The following SWAP70 variants were observed in gnomAD, a reference collection of about 807,000 sequenced individuals.
The protein encoded by SWAP70 is switch-associated protein 70.
A neutral mutation model predicts 80.2 loss-of-function variants in SWAP70; 34 were observed. That is an observed-to-expected ratio of 0.42 (90% CI 0.32 to 0.56). The LOEUF is 0.56. Ranked by LOEUF, SWAP70 falls within the 20% of genes least tolerant of loss-of-function variation. SWAP70 has a pLI of 0.09. For missense variants in SWAP70, 578 were observed against 690.7 expected, an observed-to-expected ratio of 0.84 and a Z score of 1.83; for synonymous variants, 239 against 238.5, an observed-to-expected ratio of 1.00 and a Z score of -0.02.
intron 1 of SWAP70, among the ~76,000 whole-genome samples, chr11:9,690,902 ATAAT>A (rs969072926): frequency 6.6e-5 from 10 of 151,878 alleles, no homozygotes; most frequent in African/African-American, 1.2e-4. Flanking sequence ...CATATATATT[ATAAT>A]TAATTAATTA....
chr11:9,709,423 C>T (rs1269290803), intron 2 of SWAP70, among the ~76,000 whole-genome samples: 1 of 152,210 alleles, frequency 6.6e-6, no homozygotes, highest in Non-Finnish European at 1.5e-5. Flanking sequence ...GCCACCACAC[C>T]TTGCTGAGCT....
chr11:9,688,740 A>AT (rs1363141695), intron 1 of SWAP70, among the ~76,000 whole-genome samples: 3 of 152,122 alleles, frequency 2.0e-5, no homozygotes, highest in Admixed American at 2.0e-4. Flanking sequence ...AATGTGAACA[A>AT]TGACTTTGAG....
At chr11:9,736,047 T>G (rs1288762075) in intron 7 of SWAP70, among the ~76,000 whole-genome samples, 2 of 152,166 alleles carry the variant, frequency 1.3e-5, no homozygotes, top group African/African-American at 4.8e-5. Flanking sequence ...TTCATTTTTC[T>G]TCTTTTTTAT....
intron 4 of SWAP70, among the ~76,000 whole-genome samples, chr11:9,725,533 ATAT>A: frequency 7.3e-5 from 2 of 27,452 alleles, no homozygotes; most frequent in Middle Eastern, 0.022. Context: ...AATACAAAAT[ATAT>A]ATATATATAT....
intron 1 of SWAP70, among the ~76,000 whole-genome samples, chr11:9,680,222 C>T (rs928812366): frequency 6.6e-6 from 1 of 152,100 alleles, no homozygotes; most frequent in Non-Finnish European, 1.5e-5. Flanking sequence ...ACCACAATGA[C>T]GCAATATATA....
rs974887783 is a variant in SWAP70 at position 9,664,252 on chromosome 11, G to C, written c.73G>C (p.Gly25Arg). ...CACCGCACTCGACCAGGACCACAGCGGCAAGGTCTCCAAGTCCCAGCTCAA... is the reference window on the plus strand; with the variant it reads ...CACCGCACTCGACCAGGACCACAGCCGCAAGGTCTCCAAGTCCCAGCTCAA... ...AFTALDQDHS[G>R]KVSKSQLKVL... is the part of the protein sequence containing the mutation. Residue 25 changes from glycine (G) to arginine (R), a missense_variant, in exon 1 of 12, where the codon GGC (glycine) becomes CGC (arginine). Physicochemically the swap from Gly to Arg is moderately radical, Grantham distance 125. Transcript: ENST00000318950. 1.9e-6 allele frequency: 3 copies of C among 1,589,030 alleles called. No homozygotes were observed. The highest frequency in any genetic ancestry group is 2.6e-6 in the Non-Finnish European group (3 of 1,168,534).
At chr11:9,687,604 G>A (rs1293374346) in intron 1 of SWAP70, among the ~76,000 whole-genome samples, 1 of 152,146 alleles carries the variant, frequency 6.6e-6, no homozygotes, top group African/African-American at 2.4e-5. Flanking sequence ...CTTTAAAAAG[G>A]TGGTTCAGTT....
In SWAP70 at chr11:9,717,167, G is replaced by A. The variant is rs967857218; in HGVS notation, c.414+3528G>A. On this transcript the variant is annotated intron_variant, in intron 3 of 11. Coordinates refer to ENST00000318950, the MANE Select transcript of SWAP70 (RefSeq NM_015055.4). ...AGTGCTTAATAACAATGATGTAATCGTGTATGTATGTTAAAAAGGAAATGA... is the reference window on the plus strand; with the variant it reads ...AGTGCTTAATAACAATGATGTAATCATGTATGTATGTTAAAAAGGAAATGA... 1.3e-4 allele frequency among the ~76,000 whole-genome samples: 20 copies of A among 152,262 alleles called. 1 individual carries two copies. In the Middle Eastern group the frequency reaches 0.01, roughly 78 times the overall value.
intron 1 of SWAP70, 97 bp from the exon 2 acceptor site, chr11:9,694,049 T>C (rs1850725741): frequency 7.2e-7 from 1 of 1,397,328 alleles, no homozygotes; most frequent in East Asian, 2.6e-5. Flanking sequence ...TTTCCATCTT[T>C]CTCTACCCAG....
chr11:9,748,192 G>C, intron 10 of SWAP70, 136 bp downstream of exon 10: 1 of 884,450 alleles, frequency 1.1e-6, no homozygotes, highest in Non-Finnish European at 1.7e-6. Context: ...AAAAAAGAGG[G>C]AGTTTTTACA....
intron 1 of SWAP70, among the ~76,000 whole-genome samples, chr11:9,675,346 CGAGAGAGAGAG>C (rs1850478452): frequency 1.2e-4 from 1 of 8,402 alleles, no homozygotes; most frequent in Non-Finnish European, 4.0e-4. Flanking sequence ...AGAGAGGGAG[CGAGAGAGAGAG>C]AGAGAGAGAG....
rs1850277716 is a variant in SWAP70, at chr11:9,664,141, C to T, written c.-39C>T. On this transcript the variant is annotated 5_prime_UTR_variant, in exon 1 of 12. Transcript: ENST00000318950. ...GGCGTCCGAGGCGCGGAGGGGCTGG[C>T]TGGGCAGGAGGGGTTGGCGGGGCAG... 6.5e-7 allele frequency: 1 copy of T among 1,528,746 alleles called. No individual in the cohort carries two copies. Among genetic ancestry groups the T allele is most frequent in the Non-Finnish European group, 8.8e-7 (1 of 1,137,730 alleles). The allele number at this position is 1,528,746 out of a possible 1,614,324, so 94.7% of individuals were successfully genotyped here. A position where few individuals can be genotyped will look rare whatever the true frequency, so the allele number is the denominator to read the frequency against.
At chr11:9,749,237 T>C (rs1851552849) in intron 11 of SWAP70, 54 bp downstream of exon 11, 1 of 992,030 alleles carries the variant, frequency 1.0e-6, no homozygotes, top group Non-Finnish European at 1.3e-6. Flanking sequence ...CATTTTTATT[T>C]TATTTAATTA....
chr11:9,712,960 G>A (rs771434448), intron 2 of SWAP70, among the ~76,000 whole-genome samples: 4 of 152,164 alleles, frequency 2.6e-5, no homozygotes, highest in Non-Finnish European at 5.9e-5. Flanking sequence ...GCCTCCCAGA[G>A]TGCTGGGATT....
In SWAP70 at chr11:9,752,629, G is replaced by C. The variant is rs1035177228; in HGVS notation, c.*2659G>C. 2 of 152,098 alleles carry C rather than the reference G, an allele frequency of 1.3e-5. No individual in the cohort carries two copies. Among genetic ancestry groups the C allele is most frequent in the Non-Finnish European group, 2.9e-5 (2 of 68,016 alleles). 9.4% of individuals were successfully genotyped at this position (152,098 alleles called of 1,614,324 possible). Reference sequence around the variant, plus strand: ...CTGTTAAAGGGCCAACAGAACTCTTGGTTTTACTTTTGTAATTACTGTACA... The same window carrying C: ...CTGTTAAAGGGCCAACAGAACTCTTCGTTTTACTTTTGTAATTACTGTACA... On this transcript the variant is annotated 3_prime_UTR_variant, in exon 12 of 12. Transcript: ENST00000318950.
chr11:9,694,740 A>G lies in SWAP70; in HGVS notation c.240+454A>G, dbSNP rs531476419. 6.6e-5 allele frequency among the ~76,000 whole-genome samples: 10 copies of G among 152,326 alleles called. No homozygotes were observed. The East Asian group carries it at 1.9e-3, about 29-fold the overall frequency. On this transcript the variant is annotated intron_variant, in intron 2 of 11. Transcript: ENST00000318950. ...CATCACTGATCATCAGAGAAATACA[A>G]ATCAAAACCACAATGAGATACCATC...
At chr11:9,681,224 G>A (rs1850564474) in intron 1 of SWAP70, 1 of 152,190 alleles carries the variant, frequency 6.6e-6, no homozygotes, top group South Asian at 2.1e-4. Flanking sequence ...CAAATATGGT[G>A]GTAGCACTGT....
chr11:9,740,517 G>A (rs1590047761), intron 9 of SWAP70, 170 bp downstream of exon 9: 2 of 709,624 alleles, frequency 2.8e-6, no homozygotes, highest in East Asian at 2.7e-5. Flanking sequence ...ACCGGCTGGA[G>A]TGTTTCTTTT....
At chr11:9,710,987 G>A (rs2645025) in intron 2 of SWAP70, among the ~76,000 whole-genome samples, 49,198 of 150,130 alleles carry the variant, frequency 0.33, 8,276 homozygotes, top group Non-Finnish European at 0.35. Context: ...TGCCTGGCCT[G>A]TTTTTTATTT....
Sources: gnomAD v4.1 joint callset for allele counts (sites outside exome capture counted in the v4.1 genomes callset) on GRCh38, gnomAD v4.1.1 for gene constraint, MANE v1.5 for transcripts, NCBI Gene and HGNC (gene_info 2026-07-23, HGNC 2026-07-21) for gene names.